SRBD1: variants seen among roughly 807,000 people sequenced by gnomAD.
SRBD1 encodes the protein S1 RNA binding domain 1, also known as S1 RNA-binding domain-containing protein 1.
Under a neutral mutation model 115.3 loss-of-function variants are expected in SRBD1, and 88 were observed. The observed-to-expected ratio is 0.76, with a 90% confidence interval of 0.64 to 0.91. SRBD1 has a LOEUF of 0.91. Among genes scored for constraint, SRBD1 ranks in the 40% least tolerant of loss-of-function variants. The pLI is 0.00. For synonymous variants in SRBD1, 509 were observed against 407.7 expected (o/e 1.25, Z -2.99); for missense variants, 1,385 against 1,177.4 (o/e 1.18, Z -2.58).
chr2:45,486,454 G>A (rs970407184), intron 15 of SRBD1, among the ~76,000 whole-genome samples: 8 of 152,158 alleles, frequency 5.3e-5, no homozygotes, highest in African/African-American at 1.9e-4. Context: ...TAGGCTGGGT[G>A]CGGTGGCTCA....
intron 14 of SRBD1, among the ~76,000 whole-genome samples, chr2:45,497,613 T>A (rs1000144775): frequency 6.6e-6 from 1 of 152,152 alleles, no homozygotes; most frequent in Non-Finnish European, 1.5e-5. Context: ...GGGCCCACAC[T>A]TTTTAAGGTT....
At chr2:45,440,986 G>A (rs933730223) in intron 16 of SRBD1, among the ~76,000 whole-genome samples, 2 of 152,116 alleles carry the variant, frequency 1.3e-5, no homozygotes, top group Admixed American at 1.3e-4. Context: ...TAGAAAAAAG[G>A]CTCTTTCCTA....
At chr2:45,424,114 C>T (rs1162142646) in intron 16 of SRBD1, among the ~76,000 whole-genome samples, 1 of 151,996 alleles carries the variant, frequency 6.6e-6, no homozygotes, top group African/African-American at 2.4e-5. Flanking sequence ...AATAATATTA[C>T]CTAACATTCA....
chr2:45,493,824 A>T (rs10206903), intron 14 of SRBD1, among the ~76,000 whole-genome samples: 15,003 of 151,892 alleles, frequency 0.099, 1,100 homozygotes, highest in African/African-American at 0.2. Context: ...AAAAAAAAAA[A>T]AATAAAATAA....
At chr2:45,585,159 A>T (rs1278529734) in intron 5 of SRBD1, among the ~76,000 whole-genome samples, 1 of 152,110 alleles carries the variant, frequency 6.6e-6, no homozygotes, top group Non-Finnish European at 1.5e-5. Context: ...CCGAAAAAAA[A>T]AAAAGATGGG....
At position 45,488,330 on chromosome 2, in the gene SRBD1, T is replaced by C. The variant is rs1309091792; in HGVS notation, c.1876A>G (p.Ile626Val). Residue 626 changes from isoleucine to valine, a missense_variant and splice_region_variant, in exon 15 of 21, where the codon ATC becomes GTC. Physicochemically the swap from Ile to Val is conservative, Grantham distance 29 (BLOSUM62 3). Transcript: ENST00000263736. ...YFAPLDVVYC[I>V]VSEAGASIYS... Reference sequence around the variant, plus strand: ...ATTGATGCTCCTGCTTCACTGACGATACTGAGAAGACAGAAAAAGGGGAAT... The same window carrying C: ...ATTGATGCTCCTGCTTCACTGACGACACTGAGAAGACAGAAAAAGGGGAAT... 6.2e-7 allele frequency: 1 copy of C among 1,612,320 alleles called. No homozygotes were observed. Among genetic ancestry groups the C allele is most frequent in the East Asian group, 2.2e-5 (1 of 44,808 alleles).
At chr2:45,493,823 A>AT (rs959785630) in intron 14 of SRBD1, among the ~76,000 whole-genome samples, 17 of 151,468 alleles carry the variant, frequency 1.1e-4, no homozygotes, top group Non-Finnish European at 2.1e-4. Flanking sequence ...AAAAAAAAAA[A>AT]AAATAAAATA....
chr2:45,486,948 C>A (rs1670140044), intron 15 of SRBD1, among the ~76,000 whole-genome samples: 1 of 151,896 alleles, frequency 6.6e-6, no homozygotes, highest in Non-Finnish European at 1.5e-5. Flanking sequence ...TATTATAAGG[C>A]AACCACCAAA....
chr2:45,476,245 G>T (rs1322815055), intron 16 of SRBD1, among the ~76,000 whole-genome samples: 2 of 152,034 alleles, frequency 1.3e-5, no homozygotes, highest in Admixed American at 1.3e-4. Flanking sequence ...TATCAAATGA[G>T]GGGGGTAGGG....
chr2:45,478,319 C>T (rs1395131211), intron 15 of SRBD1, among the ~76,000 whole-genome samples: 3 of 152,152 alleles, frequency 2.0e-5, no homozygotes, highest in African/African-American at 7.2e-5. Flanking sequence ...ATTCTCCAGT[C>T]GCTGATTTGT....
chr2:45,434,878 G>A (rs999509944), intron 16 of SRBD1, among the ~76,000 whole-genome samples: 3 of 151,326 alleles, frequency 2.0e-5, no homozygotes, highest in Non-Finnish European at 4.4e-5. Context: ...CCATTCACTC[G>A]TCATTTACAT....
intron 16 of SRBD1, among the ~76,000 whole-genome samples, chr2:45,435,751 G>A (rs564548701): frequency 4.0e-5 from 6 of 151,870 alleles, no homozygotes; most frequent in Non-Finnish European, 7.4e-5. Flanking sequence ...CCTGGAGAAA[G>A]GATTACACTA....
chr2:45,439,590 C>T (rs1668599517), intron 16 of SRBD1, among the ~76,000 whole-genome samples: 1 of 150,986 alleles, frequency 6.6e-6, no homozygotes, highest in Admixed American at 6.6e-5. Flanking sequence ...GATTTTCTGC[C>T]AAAATAAGGC....
At chr2:45,499,873 T>C (rs201474234) in intron 14 of SRBD1, among the ~76,000 whole-genome samples, 73 of 152,278 alleles carry the variant, frequency 4.8e-4, no homozygotes, top group East Asian at 4.4e-3. Flanking sequence ...TTTATGCCAG[T>C]ATCATGCTGT....
At chr2:45,600,639 T>C (rs1483006458) in intron 3 of SRBD1, among the ~76,000 whole-genome samples, 2 of 152,292 alleles carry the variant, frequency 1.3e-5, no homozygotes, top group East Asian at 1.9e-4. Flanking sequence ...GTCTAGGGAC[T>C]ACACTCTGCA....
intron 15 of SRBD1, among the ~76,000 whole-genome samples, chr2:45,482,580 C>T (rs960871440): frequency 1.3e-5 from 2 of 149,978 alleles, no homozygotes; most frequent in Non-Finnish European, 3.0e-5. Context: ...ATAAAAACAT[C>T]AAATCATGGA....
intron 19 of SRBD1, 125 bp from the exon 20 acceptor site, chr2:45,393,254 G>T: frequency 1.0e-6 from 1 of 962,004 alleles, no homozygotes. Context: ...TCTTTATTGA[G>T]AATCTATTAT....
chr2:45,545,457 G>A (rs1672087065), intron 14 of SRBD1, among the ~76,000 whole-genome samples: 1 of 151,914 alleles, frequency 6.6e-6, no homozygotes, highest in African/African-American at 2.4e-5. Context: ...TATTTTTTAT[G>A]ATTTGAAAGT....
intron 20 of SRBD1, among the ~76,000 whole-genome samples, chr2:45,390,355 T>C (rs901192482): frequency 6.6e-6 from 1 of 152,192 alleles, no homozygotes; most frequent in African/African-American, 2.4e-5. Context: ...TTTATAGCCC[T>C]TTTTTCTTGC....
Sources: gnomAD v4.1 joint callset for allele counts (sites outside exome capture counted in the v4.1 genomes callset) on GRCh38, gnomAD v4.1.1 for gene constraint, MANE v1.5 for transcripts, NCBI Gene and HGNC (gene_info 2026-07-23, HGNC 2026-07-21) for gene names.